The following FAT4 variants were observed in gnomAD, a reference collection of about 807,000 sequenced individuals.
FAT4 encodes the protein FAT atypical cadherin 4.
In FAT4, 84 loss-of-function variants were observed where a neutral mutation model predicts 303.9. The observed-to-expected ratio is 0.28, with a 90% CI of 0.23 to 0.33. FAT4 has a LOEUF of 0.33. Ranked by LOEUF, FAT4 falls within the 10% of genes least tolerant of loss-of-function variation. FAT4 has a pLI of 1.00. For synonymous variants in FAT4, 2,307 were observed against 2,298.8 expected (o/e 1.00, Z -0.10); for missense variants, 6,005 against 6,146.8 (o/e 0.98, Z 0.77).
chr4:125,486,477 C>A (rs891782330), intron 16 of FAT4, among the ~76,000 whole-genome samples: 10 of 152,074 alleles, frequency 6.6e-5, no homozygotes, highest in South Asian at 2.1e-4. Flanking sequence ...TTTTCATTCC[C>A]GTTATTTGAG....
At chr4:125,486,178 C>A (rs1727404962) in intron 16 of FAT4, among the ~76,000 whole-genome samples, 1 of 147,692 alleles carries the variant, frequency 6.8e-6, no homozygotes, top group Admixed American at 6.8e-5. Flanking sequence ...CCAGCTATAA[C>A]CAAAGAAAGT....
chr4:125,491,762 TG>T lies in FAT4; in HGVS notation c.14947del (p.Val4983CysfsTer9). The part of the protein sequence containing the change: ...VPKDGEAEQY[V>X] The stretch of plus-strand genomic sequence containing the variant: ...CCAAAGATGGGGAAGCAGAACAGTA[TG>T]TGTGAAGTTTATGTACTGGCACTAT... On this transcript the variant is annotated frameshift_variant, in exon 18 of 18. Transcript: ENST00000394329. LOFTEE classifies it high-confidence loss of function. The T allele has an allele frequency of 6.2e-7, 1 of 1,606,560 alleles. No individual in the cohort carries two copies. The highest frequency in any genetic ancestry group is 8.5e-7 in the Non-Finnish European group (1 of 1,176,946).
chr4:125,452,725 G>A lies in FAT4; in HGVS notation c.11715G>A (p.Glu3905=). 6.2e-7 allele frequency: 1 copy of A among 1,614,128 alleles called. No homozygotes were observed. The highest frequency in any genetic ancestry group is 8.5e-7 in the Non-Finnish European group (1 of 1,180,002). Residue 3905 remains glutamate, a synonymous_variant, in exon 10 of 18, where the codon GAG becomes GAA. Transcript: ENST00000394329. ...GGGCGTGTGAGAGAGATATCAATGA[G>A]TGCCTGCAGAGTCCTTGCAAGAATG... ...TGRACERDIN[E]CLQSPCKNGA...
intron 2 of FAT4, among the ~76,000 whole-genome samples, chr4:125,389,870 A>G (rs915415215): frequency 1.3e-5 from 2 of 152,188 alleles, no homozygotes; most frequent in African/African-American, 4.8e-5. Context: ...TACATTCCTG[A>G]CATTTAGAAC....
chr4:125,481,996 A>G (rs187311330), intron 16 of FAT4, among the ~76,000 whole-genome samples: 1 of 152,336 alleles, frequency 6.6e-6, no homozygotes, highest in Admixed American at 6.5e-5. Context: ...CCAGCACACA[A>G]AGAATTAGTT....
intron 2 of FAT4, among the ~76,000 whole-genome samples, chr4:125,339,855 C>A (rs1287573590): frequency 1.3e-5 from 2 of 151,758 alleles, no homozygotes; most frequent in Admixed American, 6.6e-5. Flanking sequence ...ATAAAGATAT[C>A]GGTTTGGAAA....
intron 4 of FAT4, among the ~76,000 whole-genome samples, chr4:125,407,363 G>A (rs1012140955): frequency 1.3e-5 from 2 of 152,042 alleles, no homozygotes; most frequent in Non-Finnish European, 2.9e-5. Context: ...AGCCATTTAT[G>A]TGTCTGAAAG....
chr4:125,319,883 A>G lies in FAT4; in HGVS notation c.3472A>G (p.Thr1158Ala). 1 of 1,614,086 alleles carries G rather than the reference A, an allele frequency of 6.2e-7. No homozygotes were observed. Among genetic ancestry groups the G allele is most frequent in the South Asian group, 1.1e-5 (1 of 91,084 alleles). ...TGCCATCAGTGGGGAAATTACAAAT[A>G]CTCATCAGTTTGACAGGGAGTCTCT... ...LHAISGEITN[T>A]HQFDRESLMR... The change falls in exon 2 of 18, where the codon ACT (threonine) becomes GCT (alanine). Residue 1158 changes from threonine to alanine, a missense_variant. By Grantham distance (58) the Thr-to-Ala change is moderately conservative (BLOSUM62 0). Transcript: ENST00000394329.
chr4:125,378,223 C>T (rs957727608), intron 2 of FAT4, among the ~76,000 whole-genome samples: 1 of 152,030 alleles, frequency 6.6e-6, no homozygotes, highest in Admixed American at 6.6e-5. Context: ...AGCAAAATGT[C>T]ATTGTAAAAG....
chr4:125,456,210 C>A (rs567783405), intron 10 of FAT4, among the ~76,000 whole-genome samples: 1 of 152,104 alleles, frequency 6.6e-6, no homozygotes, highest in Non-Finnish European at 1.5e-5. Flanking sequence ...ATATGTGGCT[C>A]AGGAAGATGT....
intron 10 of FAT4, among the ~76,000 whole-genome samples, chr4:125,455,798 G>T (rs1178855052): frequency 6.6e-6 from 1 of 152,182 alleles, no homozygotes; most frequent in Non-Finnish European, 1.5e-5. Context: ...AATCCTCACA[G>T]AAAGCCTATA....
chr4:125,395,220 C>A (rs1350140571), intron 2 of FAT4, among the ~76,000 whole-genome samples: 2 of 152,108 alleles, frequency 1.3e-5, no homozygotes, highest in Admixed American at 1.3e-4. Context: ...TCAGTTATAT[C>A]TAAGGAACTG....
intron 2 of FAT4, among the ~76,000 whole-genome samples, chr4:125,335,718 T>A (rs1482533146): frequency 6.6e-6 from 1 of 151,988 alleles, no homozygotes; most frequent in Non-Finnish European, 1.5e-5. Context: ...ACATCTGTTT[T>A]CTGCATGGTG....
At chr4:125,398,636 A>G (rs2126012514) in intron 2 of FAT4, 148 bp from the exon 3 acceptor site, 1 of 683,554 alleles carries the variant, frequency 1.5e-6, no homozygotes, top group South Asian at 2.3e-5. Flanking sequence ...ACTTTTCCCT[A>G]GGGGTAGTTT....
intron 2 of FAT4, among the ~76,000 whole-genome samples, chr4:125,368,018 G>A (rs2125989600): frequency 6.6e-6 from 1 of 152,124 alleles, no homozygotes; most frequent in South Asian, 2.1e-4. Flanking sequence ...TTCCGTTTAA[G>A]GTTTTATAAG....
chr4:125,471,483 A>G (rs1726853023), intron 12 of FAT4, among the ~76,000 whole-genome samples: 1 of 152,236 alleles, frequency 6.6e-6, no homozygotes. Flanking sequence ...TCATGTTACA[A>G]GAATGACATA....
At chr4:125,361,086 G>C (rs1459504011) in intron 2 of FAT4, among the ~76,000 whole-genome samples, 2 of 151,200 alleles carry the variant, frequency 1.3e-5, no homozygotes, top group Non-Finnish European at 2.9e-5. Flanking sequence ...CAAATTGCTA[G>C]CTACTGTATG....
intron 10 of FAT4, among the ~76,000 whole-genome samples, chr4:125,455,105 T>A (rs1005341963): frequency 6.6e-6 from 1 of 152,204 alleles, no homozygotes; most frequent in African/African-American, 2.4e-5. Flanking sequence ...ATCCCCAAAA[T>A]TACTTTATCG....
intron 3 of FAT4, among the ~76,000 whole-genome samples, 164 bp from the exon 4 acceptor site, chr4:125,406,716 T>C (rs887153760): frequency 6.6e-6 from 1 of 152,180 alleles, no homozygotes; most frequent in East Asian, 1.9e-4. Flanking sequence ...TTTACCGCCT[T>C]CGTTAGTTAG....
Sources: allele counts gnomAD v4.1 joint callset (sites outside exome capture counted in the v4.1 genomes callset), GRCh38; gene constraint gnomAD v4.1.1; transcripts MANE v1.5; gene names NCBI Gene and HGNC (gene_info 2026-07-23, HGNC 2026-07-21).